The following HS1BP3 variants were observed in gnomAD, a reference collection of about 807,000 sequenced individuals.
HS1BP3 encodes the protein HCLS1-binding protein 3.
In HS1BP3, 32 loss-of-function variants were observed where a neutral mutation model predicts 33.5. The ratio of observed to expected loss-of-function variants is 0.95; its 90% CI spans 0.72 to 1.28. The LOEUF (loss-of-function observed/expected upper bound fraction) is 1.28. HS1BP3 is among the 50% of genes most tolerant of loss of function. The probability of loss-of-function intolerance (pLI) is 0.00; values close to 1 mark genes in which losing one functional copy is unlikely to be tolerated. For synonymous variants in HS1BP3, 187 were observed against 209.2 expected (o/e 0.89, Z 0.92); for missense variants, 486 against 502.3 (o/e 0.97, Z 0.31).
At chr2:20,645,605 G>T (rs940846688) in intron 1 of HS1BP3, 100 bp from the exon 2 acceptor site, 5 of 1,211,978 alleles carry the variant, frequency 4.1e-6, no homozygotes, top group Non-Finnish European at 4.5e-6. Context: ...AGGCCTGGGT[G>T]CCAGGTGACT....
Position 20,641,104 on chromosome 2 carries a change from G to C in HS1BP3, c.275C>G (p.Pro92Arg), listed in dbSNP as rs77941615. Residue 92 changes from proline to arginine, a missense_variant, in exon 3 of 7, where the codon CCA becomes CGA. Physicochemically the swap from Pro to Arg is moderately radical, Grantham distance 103 (BLOSUM62 -2). Transcript: ENST00000304031. ...SSRYAAASLPPLPRKVLFVGE... is the reference protein window; with the variant it reads ...SSRYAAASLPRLPRKVLFVGE... ...AACAAACAGGACCTTCCTGGGTAGT[G>C]GGGGGAGGCTGGCTGCTGCATAACG... 1.5e-5 allele frequency: 25 copies of C among 1,613,434 alleles called. No homozygotes were observed. The African/African-American group carries it at 1.9e-4, about 12-fold the overall frequency.
In HS1BP3 at chr2:20,617,874, G is replaced by A. The variant is rs1694465980; in HGVS notation, c.*1113C>T. ...ATTCACTGAGAATTTCCAAAGCACT[G>A]TGTGGTGCCTAGACCTGTGTACCAG... On this transcript the variant is annotated 3_prime_UTR_variant, in exon 7 of 7. Coordinates refer to ENST00000304031, the MANE Select transcript of HS1BP3 (RefSeq NM_022460.4). 6.6e-6 allele frequency: 1 copy of A among 152,646 alleles called. No individual in the cohort carries two copies. Among genetic ancestry groups the A allele is most frequent in the African/African-American group, 2.4e-5 (1 of 41,448 alleles). 9.5% of individuals were successfully genotyped at this position (152,646 alleles called of 1,614,324 possible). A position where few individuals can be genotyped will look rare whatever the true frequency, so the allele number is the denominator to read the frequency against.
intron 4 of HS1BP3, among the ~76,000 whole-genome samples, chr2:20,626,553 G>A (rs546141688): frequency 2.6e-5 from 4 of 152,354 alleles, no homozygotes; most frequent in East Asian, 3.9e-4. Context: ...ATATAGGATG[G>A]CGCAGGGATA....
At chr2:20,570,470 C>G (rs1363299719) in intron 5 of HS1BP3, among the ~76,000 whole-genome samples, 1 of 152,150 alleles carries the variant, frequency 6.6e-6, no homozygotes, top group Non-Finnish European at 1.5e-5. Flanking sequence ...TCCTAGCTGC[C>G]GGGCTCATTG....
chr2:20,623,887 A>G lies in HS1BP3; in HGVS notation c.920+9T>C, dbSNP rs1694682681. On this transcript the variant is annotated intron_variant, in intron 6 of 6. Transcript: ENST00000304031. ...GAGCTGGCCAAGCGCCGCTGGGGACAGGTGGTACCTGAACAGTTCCTTGGA... is the reference window on the plus strand; with the variant it reads ...GAGCTGGCCAAGCGCCGCTGGGGACGGGTGGTACCTGAACAGTTCCTTGGA... 2 of 1,609,900 alleles carry G rather than the reference A, an allele frequency of 1.2e-6. No homozygotes were observed. Among genetic ancestry groups the G allele is most frequent in the Non-Finnish European group, 1.7e-6 (2 of 1,179,128 alleles).
At chr2:20,650,428 T>C (rs1695656935) in intron 1 of HS1BP3, among the ~76,000 whole-genome samples, 1 of 152,192 alleles carries the variant, frequency 6.6e-6, no homozygotes, top group Non-Finnish European at 1.5e-5. Context: ...CCTGGACCCC[T>C]CCAAGGCTTT....
intron 5 of HS1BP3, among the ~76,000 whole-genome samples, chr2:20,580,871 T>C (rs1308988692): frequency 6.6e-6 from 1 of 152,200 alleles, no homozygotes; most frequent in Non-Finnish European, 1.5e-5. Context: ...AATATTTAAG[T>C]TCAGTGTGCA....
At chr2:20,600,332 TCAGA>T (rs893513405) in intron 2 of HS1BP3, among the ~76,000 whole-genome samples, 4 of 151,876 alleles carry the variant, frequency 2.6e-5, no homozygotes, top group African/African-American at 7.3e-5. Flanking sequence ...TTGGCTGAGG[TCAGA>T]CAAAGAGGGA....
At chr2:20,582,546 GTCCCCAGAGACAGGCAGTGC>G (rs1693559421) in intron 5 of HS1BP3, among the ~76,000 whole-genome samples, 1 of 152,084 alleles carries the variant, frequency 6.6e-6, no homozygotes, top group Non-Finnish European at 1.5e-5. Flanking sequence ...CAGCTGAGAG[GTCCCCAGAGACAGGCAGTGC>G]TCCCCCTCAT....
downstream of HS1BP3, among the ~76,000 whole-genome samples, chr2:20,556,048 T>C (rs1692834135): frequency 6.6e-6 from 1 of 152,156 alleles, no homozygotes. Context: ...TGGTAATAAA[T>C]CAAAAGTAAG....
intron 4 of HS1BP3, among the ~76,000 whole-genome samples, chr2:20,626,777 G>A (rs145072019): frequency 2.0e-5 from 3 of 152,140 alleles, no homozygotes; most frequent in African/African-American, 4.8e-5. Context: ...AGGGAGCCTC[G>A]ATTCTCCACC....
chr2:20,619,332 G>C (rs562325547), intron 6 of HS1BP3, 87 bp from the exon 7 acceptor site: 1 of 1,211,236 alleles, frequency 8.3e-7, no homozygotes, highest in African/African-American at 1.5e-5. Flanking sequence ...TGCCCACACG[G>C]GGCTGGGCAG....
chr2:20,571,279 C>T (rs1051230964), intron 5 of HS1BP3, among the ~76,000 whole-genome samples: 3 of 152,164 alleles, frequency 2.0e-5, no homozygotes, highest in Admixed American at 6.5e-5. Context: ...CGTTTTTCCA[C>T]CCTGGCCTAG....
chr2:20,625,567 A>G (rs749120713), intron 4 of HS1BP3, among the ~76,000 whole-genome samples: 3 of 152,198 alleles, frequency 2.0e-5, no homozygotes, highest in Non-Finnish European at 4.4e-5. Flanking sequence ...TGGTAAAACC[A>G]CCATTGTTCT....
downstream of HS1BP3, among the ~76,000 whole-genome samples, chr2:20,615,900 T>G (rs1030148738): frequency 3.3e-5 from 5 of 152,114 alleles, no homozygotes; most frequent in Admixed American, 2.6e-4. Flanking sequence ...ATGGACGTGG[T>G]CATGGGACAC....
In HS1BP3 at chr2:20,634,299, G is replaced by A. The variant is rs147007883; in HGVS notation, c.623+4137C>T. On this transcript the variant is annotated intron_variant, in intron 4 of 6. Transcript: ENST00000304031. ...TCTGGGAATTCTCAAACAGGAGCTT[G>A]CGGAAGAACCAACTCAAGAGCTTGT... is the stretch of plus-strand genomic sequence containing the variant. Among the ~76,000 whole-genome samples, 24 of 152,360 alleles carry A rather than the reference G, an allele frequency of 1.6e-4. No homozygotes were observed. In the East Asian group the frequency reaches 4.4e-3, roughly 28 times the overall value.
intron 2 of HS1BP3, among the ~76,000 whole-genome samples, chr2:20,608,990 C>T (rs776152968): frequency 3.3e-5 from 5 of 152,212 alleles, no homozygotes; most frequent in African/African-American, 4.8e-5. Context: ...AGAGGTCAGG[C>T]TTGCTGAGAA....
downstream of HS1BP3, among the ~76,000 whole-genome samples, chr2:20,588,635 C>T (rs745873811): frequency 1.7e-4 from 26 of 152,314 alleles, no homozygotes; most frequent in Admixed American, 3.9e-4. Context: ...CCTTCCAAGC[C>T]GATTTTTCTG....
intron 5 of HS1BP3, among the ~76,000 whole-genome samples, chr2:20,577,002 T>TG (rs1169404008): frequency 3.3e-5 from 5 of 152,224 alleles, no homozygotes; most frequent in African/African-American, 1.2e-4. Context: ...TTCCTGGGAA[T>TG]GCCCTGGGAA....
Sources: gnomAD v4.1 joint callset for allele counts (sites outside exome capture counted in the v4.1 genomes callset) on GRCh38, gnomAD v4.1.1 for gene constraint, MANE v1.5 for transcripts, NCBI Gene and HGNC (gene_info 2026-07-23, HGNC 2026-07-21) for gene names.